Variants in PLAG1 observed in about 807,000 individuals in gnomAD.
The protein encoded by PLAG1 is PLAG1 zinc finger.
Under a neutral mutation model 35.5 loss-of-function variants are expected in PLAG1, and 7 were observed. That is an observed-to-expected ratio of 0.20 (90% CI 0.11 to 0.37). PLAG1 has a LOEUF of 0.37. PLAG1 is among the 10% of genes least tolerant of loss of function. PLAG1 has a pLI of 1.00. For missense variants in PLAG1, 454 were observed against 602.8 expected (o/e 0.75, Z 2.58); for synonymous variants, 229 against 225.4 (o/e 1.02, Z -0.14).
intron 1 of PLAG1, among the ~76,000 whole-genome samples, chr8:56,186,802 C>T (rs929505514): frequency 8.5e-5 from 13 of 152,218 alleles, no homozygotes; most frequent in Admixed American, 6.5e-5. Flanking sequence ...TTGCAACCTC[C>T]GCCTCCCGTA....
At chr8:56,194,609 T>TTG (rs537069810) in intron 1 of PLAG1, among the ~76,000 whole-genome samples, 1 of 150,188 alleles carries the variant, frequency 6.7e-6, no homozygotes, top group Non-Finnish European at 1.5e-5. Flanking sequence ...GTATGTGTGT[T>TTG]TGTGTGTGTG....
At chr8:56,206,217 A>C (rs555111706) in intron 1 of PLAG1, among the ~76,000 whole-genome samples, 3 of 152,016 alleles carry the variant, frequency 2.0e-5, no homozygotes, top group Admixed American at 6.6e-5. Flanking sequence ...GGATAGCTAT[A>C]AACAGTGAGT....
intron 1 of PLAG1, among the ~76,000 whole-genome samples, chr8:56,181,772 A>G (rs1394516513): frequency 1.3e-5 from 2 of 152,242 alleles, no homozygotes; most frequent in Non-Finnish European, 2.9e-5. Flanking sequence ...TAAATGTTAA[A>G]TAAGATCTGC....
intron 1 of PLAG1, among the ~76,000 whole-genome samples, chr8:56,199,812 T>C (rs1812498124): frequency 6.6e-6 from 1 of 152,180 alleles, no homozygotes; most frequent in African/African-American, 2.4e-5. Flanking sequence ...AGTCCCAGTC[T>C]TCTCTGGGAG....
In PLAG1 at chr8:56,176,277, T is replaced by G. The variant is rs189292527; in HGVS notation, c.-217+3132A>C. ...TATGTTGGCCAGGCTGGTCTCGAAC[T>G]GCTGGCCTCAAGTGATCCACCCGTC... On this transcript the variant is annotated intron_variant, in intron 2 of 4. Coordinates refer to ENST00000316981, the MANE Select transcript of PLAG1 (RefSeq NM_002655.3). Among the ~76,000 whole-genome samples the G allele has an allele frequency of 7.3e-3, 1,114 of 152,188 alleles. 12 individuals are homozygous for G. The highest frequency in any genetic ancestry group is 0.025 in the African/African-American group (1,027 of 41,514).
At chr8:56,200,192 C>T (rs1470495183) in intron 1 of PLAG1, among the ~76,000 whole-genome samples, 1 of 152,220 alleles carries the variant, frequency 6.6e-6, no homozygotes, top group Non-Finnish European at 1.5e-5. Context: ...CAGCTACCTC[C>T]TCTGTGAGTC....
chr8:56,194,305 C>T (rs1455012753), intron 1 of PLAG1, among the ~76,000 whole-genome samples: 1 of 114,330 alleles, frequency 8.7e-6, no homozygotes, highest in Non-Finnish European at 1.7e-5. Context: ...TGAGAGGGCA[C>T]AACTCTGTCT....
At chr8:56,203,030 G>A (rs1424166425) in intron 1 of PLAG1, among the ~76,000 whole-genome samples, 1 of 151,946 alleles carries the variant, frequency 6.6e-6, no homozygotes, top group Non-Finnish European at 1.5e-5. Context: ...ATTCAACCAA[G>A]TACTGACCTA....
chr8:56,187,050 T>C (rs1812040906), intron 1 of PLAG1, among the ~76,000 whole-genome samples: 1 of 152,196 alleles, frequency 6.6e-6, no homozygotes, highest in African/African-American at 2.4e-5. Context: ...CTTAAGCCTT[T>C]GCAGTGTTTG....
At chr8:56,187,291 G>A (rs1812048613) in intron 1 of PLAG1, among the ~76,000 whole-genome samples, 1 of 152,122 alleles carries the variant, frequency 6.6e-6, no homozygotes, top group African/African-American at 2.4e-5. Context: ...AATCACCTTT[G>A]CAATGCTACT....
In PLAG1 at chr8:56,167,128, C is replaced by T. The variant is rs2129224531; in HGVS notation, c.618G>A (p.Val206=). 1 of 1,614,006 alleles carries T rather than the reference C, an allele frequency of 6.2e-7. No homozygotes were observed. The highest frequency in any genetic ancestry group is 8.5e-7 in the Non-Finnish European group (1 of 1,179,980). Residue 206 remains valine (V), a synonymous_variant, in exon 5 of 5, where the codon GTG becomes GTA. Coordinates refer to ENST00000316981, the MANE Select transcript of PLAG1 (RefSeq NM_002655.3). This position sits in a 1 kb window ranked among gnomAD's most constrained non-coding sequence, Gnocchi z 5.9. ...AGAGGAAGTCCTTTCTTCCAGTGTG[C>T]ACCACCATGTGTCTCCGGACATCCT... ...TRKDVRRHMV[V]HTGRKDFLCQ...
chr8:56,176,665 T>G (rs1188435270), intron 2 of PLAG1, among the ~76,000 whole-genome samples: 1 of 144,822 alleles, frequency 6.9e-6, no homozygotes, highest in South Asian at 2.2e-4. Context: ...TTTCCTGTGC[T>G]TTTTTTTTTT....
In PLAG1 at chr8:56,173,375, C is replaced by A. The variant is rs191742401; in HGVS notation, c.-216-2186G>T. ...CAAAGTTCTACTAAATATCTCCCCC[C>A]AAAAAAGAAAGCAGGACTGGTTAGA... On this transcript the variant is annotated intron_variant, in intron 2 of 4. Coordinates refer to ENST00000316981, the MANE Select transcript of PLAG1 (RefSeq NM_002655.3). 4.2e-3 allele frequency among the ~76,000 whole-genome samples: 642 copies of A among 151,776 alleles called. 7 individuals are homozygous for A. Among genetic ancestry groups the A allele is most frequent in the African/African-American group, 0.015 (621 of 41,392 alleles).
At chr8:56,197,097 C>T (rs1288985026) in intron 1 of PLAG1, among the ~76,000 whole-genome samples, 2 of 151,956 alleles carry the variant, frequency 1.3e-5, no homozygotes, top group African/African-American at 4.8e-5. Flanking sequence ...TCTCTCTCTT[C>T]CTCGCTGGGG....
At chr8:56,185,066 C>T (rs990949019) in intron 1 of PLAG1, among the ~76,000 whole-genome samples, 8 of 152,080 alleles carry the variant, frequency 5.3e-5, no homozygotes, top group African/African-American at 1.9e-4. Context: ...CATGGATGAA[C>T]CTCAAAATAA....
At chr8:56,210,207 G>A (rs1307517425) in intron 1 of PLAG1, among the ~76,000 whole-genome samples, 1 of 152,126 alleles carries the variant, frequency 6.6e-6, no homozygotes, top group African/African-American at 2.4e-5. Flanking sequence ...GGACTTCAGG[G>A]GAAAGGCGGT....
At chr8:56,174,699 T>C (rs997654621) in intron 2 of PLAG1, among the ~76,000 whole-genome samples, 4 of 152,208 alleles carry the variant, frequency 2.6e-5, no homozygotes, top group South Asian at 4.1e-4. Flanking sequence ...GAATTTACAG[T>C]TGACCCTCTG....
In PLAG1 at chr8:56,162,930, T is replaced by A. The variant is rs765781388; in HGVS notation, c.*3313A>T. 1.4e-5 allele frequency: 3 copies of A among 215,726 alleles called. No homozygotes were observed. The highest frequency in any genetic ancestry group is 1.9e-5 in the Non-Finnish European group (2 of 106,716). 13.4% of individuals were successfully genotyped at this position (215,726 alleles called of 1,614,324 possible). A position where few individuals can be genotyped will look rare whatever the true frequency, so the allele number is the denominator to read the frequency against. ...GAAACACTAAATGAAATAAAAAAGTTGCACACAGAGTGATGCATAATCAGC... is the reference window on the plus strand; with the variant it reads ...GAAACACTAAATGAAATAAAAAAGTAGCACACAGAGTGATGCATAATCAGC... On this transcript the variant is annotated 3_prime_UTR_variant, in exon 5 of 5. Coordinates refer to ENST00000316981, the MANE Select transcript of PLAG1 (RefSeq NM_002655.3).
At chr8:56,209,284 A>G in intron 1 of PLAG1, 1 of 152,388 alleles carries the variant, frequency 6.6e-6, no homozygotes, top group Non-Finnish European at 1.5e-5. Context: ...ATGTAACATG[A>G]AAAGTTCCTG....
Sources: gnomAD v4.1 joint callset for allele counts (sites outside exome capture counted in the v4.1 genomes callset) on GRCh38, gnomAD v4.1.1 for gene constraint, Gnocchi (gnomAD v3.1) non-coding constraint, MANE v1.5 for transcripts, NCBI Gene and HGNC (gene_info 2026-07-23, HGNC 2026-07-21) for gene names.